The following GBE1 variants were observed in gnomAD, a reference collection of about 807,000 sequenced individuals.
GBE1 encodes 1,4-alpha-glucan-branching enzyme.
GBE1 carries 70 observed loss-of-function variants against 88.8 expected under a neutral mutation model. The observed-to-expected ratio is 0.79, with a 90% confidence interval of 0.65 to 0.96. The LOEUF (loss-of-function observed/expected upper bound fraction) is 0.96, where lower values mean the gene tolerates loss of function less well. GBE1 is among the 40% of genes least tolerant of loss of function. GBE1 has a pLI of 0.00. For missense variants in GBE1, 872 were observed against 871.0 expected (o/e 1.00, Z -0.01); for synonymous variants, 284 against 300.1 (o/e 0.95, Z 0.56).
chr3:81,505,968 A>C (rs770005289), intron 14 of GBE1, among the ~76,000 whole-genome samples: 7 of 152,090 alleles, frequency 4.6e-5, no homozygotes, highest in Non-Finnish European at 7.3e-5. Context: ...AAACTATAAA[A>C]ACCCTGAAAG....
intron 7 of GBE1, among the ~76,000 whole-genome samples, chr3:81,614,903 CCTGTGGTTCCAGCTACTTGGGAGG>C (rs1576170642): frequency 1.3e-5 from 2 of 152,030 alleles, no homozygotes; most frequent in East Asian, 3.9e-4. Context: ...GTGGCATGTG[CCTGTGGTTCCAGCTACTTGGGAGG>C]CTGAGGTGGG....
intron 14 of GBE1, among the ~76,000 whole-genome samples, chr3:81,508,301 A>G (rs1247054583): frequency 6.6e-6 from 1 of 152,148 alleles, no homozygotes; most frequent in African/African-American, 2.4e-5. Context: ...CTGTTTCTCA[A>G]TAATTTGAGA....
chr3:81,699,127 C>T (rs1705648076), intron 2 of GBE1, among the ~76,000 whole-genome samples: 1 of 152,122 alleles, frequency 6.6e-6, no homozygotes, highest in African/African-American at 2.4e-5. Flanking sequence ...CCCAAGGCTG[C>T]CTCCAAAAAC....
At chr3:81,675,661 A>G (rs1304607050) in intron 2 of GBE1, among the ~76,000 whole-genome samples, 1 of 152,078 alleles carries the variant, frequency 6.6e-6, no homozygotes, top group African/African-American at 2.4e-5. Context: ...AATGTTAACA[A>G]TATTAACTCA....
intron 7 of GBE1, among the ~76,000 whole-genome samples, chr3:81,639,080 A>G (rs1052484493): frequency 6.6e-6 from 1 of 152,224 alleles, no homozygotes; most frequent in East Asian, 1.9e-4. Flanking sequence ...AATATGAAAC[A>G]TAAATTGTAA....
At chr3:81,578,236 T>A in intron 11 of GBE1, 140 bp from the exon 12 acceptor site, 1 of 626,700 alleles carries the variant, frequency 1.6e-6, no homozygotes, top group Non-Finnish European at 2.6e-6. Context: ...TTCAGGTATT[T>A]TCCACTGGTG....
intron 14 of GBE1, among the ~76,000 whole-genome samples, chr3:81,524,531 G>A (rs1702918519): frequency 6.6e-6 from 1 of 151,196 alleles, no homozygotes; most frequent in Admixed American, 6.6e-5. Context: ...CTTAGTTTAG[G>A]CATAAACTAT....
intron 7 of GBE1, 107 bp downstream of exon 7, chr3:81,642,674 C>T (rs1704702322): frequency 6.9e-6 from 5 of 719,524 alleles, no homozygotes; most frequent in South Asian, 3.3e-5. Context: ...CAATTAAGAA[C>T]ATTAAGTACC....
In GBE1 at chr3:81,715,774, G is replaced by A. The variant is rs73853471; in HGVS notation, c.144-10161C>T. ...GAATGATAATATCATTGATGTCTAG[G>A]TGGCTGTGCTTATATATAACCAGCC... On this transcript the variant is annotated intron_variant, in intron 1 of 15. Coordinates refer to ENST00000429644, the MANE Select transcript of GBE1 (RefSeq NM_000158.4). Among the ~76,000 whole-genome samples, 769 of 151,722 alleles carry A rather than the reference G, an allele frequency of 5.1e-3. 2 individuals are homozygous for A. The highest frequency in any genetic ancestry group is 0.018 in the African/African-American group (738 of 41,354).
At position 81,542,776 on chromosome 3, in the gene GBE1, T is replaced by C. The variant is rs1246454959; in HGVS notation, c.1619-5681A>G. On this transcript the variant is annotated intron_variant, in intron 12 of 15. Coordinates refer to ENST00000429644, the MANE Select transcript of GBE1 (RefSeq NM_000158.4). ...TGTTCACCACCTGGGTGACAGACAT[T>C]CACACCCCAAACCTCAGTGTCATGC... 2.6e-5 allele frequency among the ~76,000 whole-genome samples: 4 copies of C among 152,012 alleles called. No individual in the cohort carries two copies. In the East Asian group the frequency reaches 7.7e-4, roughly 29 times the overall value.
chr3:81,575,009 C>A (rs2106929412), intron 12 of GBE1, among the ~76,000 whole-genome samples: 1 of 151,686 alleles, frequency 6.6e-6, no homozygotes. Context: ...CTAAAAAATA[C>A]AAAAAATTAG....
At chr3:81,728,052 C>T (rs1320768002) in intron 1 of GBE1, among the ~76,000 whole-genome samples, 1 of 152,188 alleles carries the variant, frequency 6.6e-6, no homozygotes. Context: ...GGTTGCCTGG[C>T]AGTACCTATT....
At chr3:81,608,887 C>G (rs556140803) in intron 7 of GBE1, among the ~76,000 whole-genome samples, 5 of 152,146 alleles carry the variant, frequency 3.3e-5, no homozygotes, top group African/African-American at 1.2e-4. Flanking sequence ...GACGGATTAA[C>G]AGGAGAAAAG....
intron 1 of GBE1, among the ~76,000 whole-genome samples, chr3:81,753,773 G>C (rs1347066701): frequency 6.6e-6 from 1 of 152,226 alleles, no homozygotes; most frequent in African/African-American, 2.4e-5. Flanking sequence ...AATGAATCTA[G>C]TAGTGCAGAA....
intron 15 of GBE1, among the ~76,000 whole-genome samples, chr3:81,496,985 C>G (rs1559624022): frequency 6.6e-6 from 1 of 152,276 alleles, no homozygotes; most frequent in East Asian, 1.9e-4. Context: ...GCATTCAGCT[C>G]TTTTCTGTTT....
At chr3:81,722,896 G>GTATATATATATATATA (rs553712949) in intron 1 of GBE1, among the ~76,000 whole-genome samples, 5 of 135,318 alleles carry the variant, frequency 3.7e-5, no homozygotes, top group Admixed American at 2.2e-4. Context: ...GTGTGTGTGT[G>GTATATATATATATATA]TATATATATA....
At chr3:81,709,801 G>C (rs1220624224) in intron 1 of GBE1, among the ~76,000 whole-genome samples, 1 of 152,080 alleles carries the variant, frequency 6.6e-6, no homozygotes, top group Non-Finnish European at 1.5e-5. Context: ...TGAAATCATT[G>C]TGGCTCAAAA....
intron 12 of GBE1, among the ~76,000 whole-genome samples, chr3:81,573,494 T>C (rs1226059572): frequency 1.3e-5 from 2 of 152,238 alleles, no homozygotes; most frequent in Admixed American, 1.3e-4. Context: ...CATGCATTAC[T>C]ATAAAGGTAT....
chr3:81,713,404 T>C (rs1231100363), intron 1 of GBE1, among the ~76,000 whole-genome samples: 4 of 152,086 alleles, frequency 2.6e-5, no homozygotes, highest in South Asian at 2.1e-4. Context: ...CAGTGGCCAA[T>C]TGGGATGAAA....
Sources: gnomAD v4.1 joint callset for allele counts (sites outside exome capture counted in the v4.1 genomes callset) on GRCh38, gnomAD v4.1.1 for gene constraint, MANE v1.5 for transcripts, NCBI Gene and HGNC (gene_info 2026-07-23, HGNC 2026-07-21) for gene names.